The following RELN variants were observed in gnomAD, a reference collection of about 807,000 sequenced individuals.
RELN encodes the protein reelin.
A neutral mutation model predicts 427.6 loss-of-function variants in RELN; 108 were observed. The observed-to-expected ratio is 0.25, with a 90% confidence interval of 0.22 to 0.30. The LOEUF is 0.30. Ranked by LOEUF, RELN falls within the 10% of genes least tolerant of loss-of-function variation. The probability of loss-of-function intolerance (pLI) is 1.00; values close to 1 mark genes in which losing one functional copy is unlikely to be tolerated. For missense variants in RELN, 3,715 were observed against 4,302.8 expected, an observed-to-expected ratio of 0.86 and a Z score of 3.82; for synonymous variants, 1,524 against 1,513.4, an observed-to-expected ratio of 1.01 and a Z score of -0.16.
Position 103,870,957 on chromosome 7 carries a change from C to T in RELN, c.338-37285G>A, listed in dbSNP as rs140007701. Among the ~76,000 whole-genome samples the T allele has an allele frequency of 4.6e-5, 7 of 152,268 alleles. 1 individual carries two copies. The highest frequency in any genetic ancestry group is 4.1e-4 in the South Asian group (2 of 4,826). The stretch of plus-strand genomic sequence containing the variant: ...CTACCTCTTCATCTCAGCAGGACCA[C>T]TGTGCTTTTTCTGGACTCCTGCTCA... On this transcript the variant is annotated intron_variant, in intron 2 of 64. Transcript: ENST00000428762.
chr7:103,751,867 G>T (rs1791010739), intron 5 of RELN, among the ~76,000 whole-genome samples: 1 of 152,212 alleles, frequency 6.6e-6, no homozygotes, highest in Non-Finnish European at 1.5e-5. Flanking sequence ...GACCTATCTA[G>T]AAAGTCCCAT....
chr7:103,603,933 G>A lies in RELN; in HGVS notation c.3146+413C>T, dbSNP rs1404039903. Among the ~76,000 whole-genome samples, 2 of 152,058 alleles carry A rather than the reference G, an allele frequency of 1.3e-5. No homozygotes were observed. Among genetic ancestry groups the A allele is most frequent in the Non-Finnish European group, 2.9e-5 (2 of 68,026 alleles). On this transcript the variant is annotated intron_variant, in intron 23 of 64. Transcript: ENST00000428762. This position sits in a 1 kb window ranked among gnomAD's most constrained non-coding sequence, Gnocchi z 4.3. ...TTTTTTAGAGTCTTTAGGTATTCAA[G>A]TGTGTTCCTCTGTCCTCATTAGCAA...
chr7:103,714,365 A>G (rs1180797923), intron 8 of RELN, among the ~76,000 whole-genome samples: 2 of 152,236 alleles, frequency 1.3e-5, no homozygotes, highest in African/African-American at 4.8e-5. Context: ...TTTGGAATAC[A>G]GAGTTCAAGA....
At chr7:103,961,112 T>C (rs34341126) in intron 1 of RELN, among the ~76,000 whole-genome samples, 69,501 of 152,136 alleles carry the variant, frequency 0.46, 16,049 homozygotes, top group Non-Finnish European at 0.5. Context: ...AATAGAACAG[T>C]AGACATGCCT....
Position 103,551,200 on chromosome 7 carries a change from G to A in RELN, c.6169C>T (p.Leu2057Phe). ...FGATWHLLLPLCYHSSSHVSS... is the reference protein window; with the variant it reads ...FGATWHLLLPFCYHSSSHVSS... ...ACGTGGCTGCTGCTGTGGTAGCAGA[G>A]GGGCAGCAGAAGGTGCCAGGTCGCC... The change falls in exon 41 of 65, where the codon CTC becomes TTC. Residue 2057 changes from leucine (L) to phenylalanine (F), a missense_variant. Physicochemically the swap from Leu to Phe is conservative, Grantham distance 22. Coordinates refer to ENST00000428762, the MANE Select transcript of RELN (RefSeq NM_005045.4). 1 of 1,614,112 alleles carries A rather than the reference G, an allele frequency of 6.2e-7. No individual in the cohort carries two copies. Among genetic ancestry groups the A allele is most frequent in the Non-Finnish European group, 8.5e-7 (1 of 1,180,016 alleles).
At chr7:103,819,352 T>C (rs262360) in intron 3 of RELN, among the ~76,000 whole-genome samples, 144,235 of 152,146 alleles carry the variant, frequency 0.95, 68,569 homozygotes, top group South Asian at 1. Context: ...ATTAACTCAA[T>C]GCTTTTACAA....
rs898861122 is a variant in RELN, at chr7:103,672,908, T to C, written c.1289+9208A>G. On this transcript the variant is annotated intron_variant, in intron 11 of 64. Coordinates refer to ENST00000428762, the MANE Select transcript of RELN (RefSeq NM_005045.4). ...GCATGAAATATCCCTTTTTGGTCTT[T>C]TAATGCTGAAACCTGAATTCTATCT... is the stretch of plus-strand genomic sequence containing the variant. 7.2e-5 allele frequency among the ~76,000 whole-genome samples: 11 copies of C among 152,162 alleles called. No individual in the cohort carries two copies. In the South Asian group the frequency reaches 2.3e-3, roughly 31 times the overall value.
At chr7:103,624,873 A>G (rs1122670) in intron 20 of RELN, among the ~76,000 whole-genome samples, 61,674 of 151,698 alleles carry the variant, frequency 0.41, 12,823 homozygotes, top group African/African-American at 0.49. Flanking sequence ...TTTTAAAAAA[A>G]AAGCTTTAAT....
intron 8 of RELN, among the ~76,000 whole-genome samples, chr7:103,703,404 C>T (rs765563400): frequency 3.9e-5 from 6 of 152,198 alleles, no homozygotes; most frequent in Non-Finnish European, 8.8e-5. Context: ...ATGGAAATGG[C>T]TCCTTGATTC....
At chr7:103,638,940 T>C (rs546002941) in intron 17 of RELN, among the ~76,000 whole-genome samples, 93 of 152,360 alleles carry the variant, frequency 6.1e-4, no homozygotes, top group Non-Finnish European at 7.5e-4. Context: ...TGGATAGGTC[T>C]TTTTAGAAAT....
chr7:103,606,868 C>A (rs1232849953), intron 22 of RELN, among the ~76,000 whole-genome samples: 1 of 151,990 alleles, frequency 6.6e-6, no homozygotes, highest in Non-Finnish European at 1.5e-5. Flanking sequence ...ATGTGATGTT[C>A]CCCTTCCTGT....
chr7:103,597,331 G>A (rs1382484967), intron 24 of RELN, among the ~76,000 whole-genome samples: 2 of 152,120 alleles, frequency 1.3e-5, no homozygotes, highest in East Asian at 1.9e-4. Context: ...GGCCAGGCGC[G>A]GTGGCTCATG....
At chr7:103,650,224 G>A (rs188538569) in intron 16 of RELN, 50 bp downstream of exon 16, 124 of 1,110,914 alleles carry the variant, frequency 1.1e-4, no homozygotes, top group Non-Finnish European at 1.5e-4. Flanking sequence ...CAAAAGCACA[G>A]GAAGACTCTA....
chr7:103,607,350 A>G (rs143477487), intron 22 of RELN, among the ~76,000 whole-genome samples: 1 of 152,218 alleles, frequency 6.6e-6, no homozygotes, highest in Admixed American at 6.5e-5. Flanking sequence ...TTGAGAAAAA[A>G]AATTAGTTGT....
At chr7:103,682,022 A>G in intron 11 of RELN, 94 bp downstream of exon 11, 1 of 1,199,920 alleles carries the variant, frequency 8.3e-7, no homozygotes, top group Non-Finnish European at 1.2e-6. Context: ...TGATCTAAGT[A>G]TGCTTTCGCC....
chr7:103,541,346 C>A (rs1453094194), intron 43 of RELN, among the ~76,000 whole-genome samples: 1 of 152,154 alleles, frequency 6.6e-6, no homozygotes, highest in African/African-American at 2.4e-5. Flanking sequence ...ACACACATAC[C>A]CACTAATGTA....
At chr7:103,868,570 G>A (rs1346551254) in intron 2 of RELN, among the ~76,000 whole-genome samples, 3 of 151,990 alleles carry the variant, frequency 2.0e-5, no homozygotes, top group East Asian at 1.9e-4. Context: ...TGTCCATCCA[G>A]ATCACCCTCC....
intron 1 of RELN, among the ~76,000 whole-genome samples, chr7:103,943,770 C>T (rs1025138648): frequency 3.9e-4 from 55 of 141,882 alleles, no homozygotes; most frequent in African/African-American, 1.4e-3. Flanking sequence ...ATCACTTGAA[C>T]CCAGGACACA....
intron 8 of RELN, among the ~76,000 whole-genome samples, 165 bp from the exon 9 acceptor site, chr7:103,701,171 C>A (rs1834083141): frequency 6.6e-6 from 1 of 151,946 alleles, no homozygotes. Flanking sequence ...GTTCTGGTAA[C>A]TACCATTTGA....
Sources: allele counts gnomAD v4.1 joint callset (sites outside exome capture counted in the v4.1 genomes callset), GRCh38; gene constraint gnomAD v4.1.1; non-coding constraint Gnocchi (gnomAD v3.1); transcripts MANE v1.5; gene names NCBI Gene and HGNC (gene_info 2026-07-23, HGNC 2026-07-21).